NLGN4X: variants seen among roughly 807,000 people sequenced by gnomAD.
NLGN4X encodes neuroligin 4 X-linked.
A neutral mutation model predicts 40.3 loss-of-function variants in NLGN4X; 3 were observed. That is an observed-to-expected ratio of 0.07 (90% CI 0.03 to 0.19). NLGN4X has a LOEUF of 0.19. NLGN4X is among the 10% of genes least tolerant of loss of function. The probability of loss-of-function intolerance (pLI) is 1.00; values close to 1 mark genes in which losing one functional copy is unlikely to be tolerated. For missense variants in NLGN4X, 382 were observed against 708.3 expected (o/e 0.54, Z 5.23); for synonymous variants, 270 against 306.8 (o/e 0.88, Z 1.25).
intron 2 of NLGN4X, among the ~76,000 whole-genome samples, chrX:6,041,304 T>C (rs1254184653): frequency 9.0e-6 from 1 of 111,118 alleles, no homozygotes; most frequent in Non-Finnish European, 1.9e-5. Flanking sequence ...TAAATAGAGG[T>C]TGTTTGAGAT....
intron 3 of NLGN4X, among the ~76,000 whole-genome samples, chrX:5,912,041 CA>C (rs1297748415): frequency 8.9e-6 from 1 of 112,139 alleles, no homozygotes; most frequent in Non-Finnish European, 1.9e-5. Flanking sequence ...ACAAGATTTG[CA>C]ACTTCCCCAA....
chrX:6,090,798 T>C (rs1202157435), intron 2 of NLGN4X, among the ~76,000 whole-genome samples: 1 of 105,428 alleles, frequency 9.5e-6, no homozygotes, highest in Non-Finnish European at 1.9e-5. Flanking sequence ...TTTTCATAAC[T>C]TGTGGTAGTG....
chrX:6,136,337 A>G (rs933305325), intron 2 of NLGN4X, among the ~76,000 whole-genome samples: 2 of 112,767 alleles, frequency 1.8e-5, no homozygotes, highest in African/African-American at 3.2e-5. Context: ...GAGTTTCTGC[A>G]TATCAGGAAT....
intron 2 of NLGN4X, among the ~76,000 whole-genome samples, chrX:6,063,412 G>A (rs1278517280): frequency 8.9e-6 from 1 of 112,027 alleles, no homozygotes; most frequent in African/African-American, 3.2e-5. Context: ...TTGAGCCCGG[G>A]AGTTGGAGAG....
chrX:6,049,735 G>A (rs957879405), intron 2 of NLGN4X, among the ~76,000 whole-genome samples: 1 of 22,540 alleles, frequency 4.4e-5, no homozygotes, highest in Admixed American at 6.1e-4. Context: ...TAAAATGGGG[G>A]GGGGGGGCGG....
intron 3 of NLGN4X, among the ~76,000 whole-genome samples, chrX:5,934,399 C>T (rs938755714): frequency 9.0e-6 from 1 of 111,677 alleles, no homozygotes; most frequent in African/African-American, 3.3e-5. Flanking sequence ...CATATGAAAA[C>T]CTGTAACAAT....
intron 1 of NLGN4X, among the ~76,000 whole-genome samples, chrX:6,180,085 A>G (rs1014241970): frequency 9.8e-5 from 11 of 112,167 alleles, no homozygotes; most frequent in Non-Finnish European, 1.9e-4. Flanking sequence ...TGCCCTTAAT[A>G]AATTGGTTCA....
At chrX:6,012,677 T>C (rs1200253552) in intron 3 of NLGN4X, among the ~76,000 whole-genome samples, 1 of 111,103 alleles carries the variant, frequency 9.0e-6, no homozygotes, top group African/African-American at 3.3e-5. Flanking sequence ...GAATTGAGGG[T>C]ATAACCCTAA....
chrX:5,979,357 A>C (rs2035304082), intron 3 of NLGN4X, among the ~76,000 whole-genome samples: 2 of 110,814 alleles, frequency 1.8e-5, no homozygotes, highest in African/African-American at 6.6e-5. Flanking sequence ...TCTTGTGTAA[A>C]TACCTAGGAG....
At chrX:6,102,842 G>T (rs1011709203) in intron 2 of NLGN4X, among the ~76,000 whole-genome samples, 1 of 111,061 alleles carries the variant, frequency 9.0e-6, no homozygotes, top group African/African-American at 3.3e-5. Flanking sequence ...AGAGAGAGGG[G>T]TAGATAGATT....
chrX:6,154,958 T>C (rs1249688502), intron 1 of NLGN4X, among the ~76,000 whole-genome samples: 1 of 111,904 alleles, frequency 8.9e-6, no homozygotes, highest in African/African-American at 3.2e-5. Context: ...CCCCAAAGTA[T>C]ACATTCCTTA....
intron 3 of NLGN4X, among the ~76,000 whole-genome samples, chrX:5,966,831 T>G: frequency 8.9e-6 from 1 of 112,039 alleles, no homozygotes; most frequent in Non-Finnish European, 1.9e-5. Context: ...GAAATTGGCT[T>G]TAACACAAAC....
chrX:6,071,455 A>C (rs946399502), intron 2 of NLGN4X, among the ~76,000 whole-genome samples: 2 of 111,500 alleles, frequency 1.8e-5, no homozygotes, highest in African/African-American at 6.5e-5. Flanking sequence ...ATAATATCTA[A>C]ATCAGTGAAG....
At chrX:5,997,245 T>C (rs970207092) in intron 3 of NLGN4X, among the ~76,000 whole-genome samples, 3 of 106,809 alleles carry the variant, frequency 2.8e-5, no homozygotes, top group Admixed American at 1.0e-4. Flanking sequence ...GATACAAACA[T>C]ATATATGAAG....
chrX:6,195,759 G>A (rs776496160), intron 1 of NLGN4X, among the ~76,000 whole-genome samples: 1 of 111,007 alleles, frequency 9.0e-6, no homozygotes, highest in African/African-American at 3.3e-5. Flanking sequence ...TATATTTTTT[G>A]TGATACGGTA....
chrX:6,227,513 C>A (rs1294529561), intron 1 of NLGN4X, among the ~76,000 whole-genome samples: 1 of 109,919 alleles, frequency 9.1e-6, no homozygotes, highest in Non-Finnish European at 1.9e-5. Flanking sequence ...GCAAGCCCCC[C>A]CGCGCCCCCC....
At chrX:6,062,188 A>G (rs1207166002) in intron 2 of NLGN4X, among the ~76,000 whole-genome samples, 1 of 111,419 alleles carries the variant, frequency 9.0e-6, no homozygotes, top group African/African-American at 3.3e-5. Context: ...ACCTGTGACC[A>G]CCTCTACCTT....
At chrX:6,045,458 G>A (rs760892243) in intron 2 of NLGN4X, among the ~76,000 whole-genome samples, 17 of 111,205 alleles carry the variant, frequency 1.5e-4, no homozygotes, top group South Asian at 1.1e-3. Flanking sequence ...AATAAATAGC[G>A]TAAAATATTA....
In NLGN4X at chrX:6,029,680, T is replaced by TTC. The variant is rs1395403657; in HGVS notation, c.473-250_473-249dup. On this transcript the variant is annotated intron_variant, in intron 2 of 5. Transcript: ENST00000381095. The stretch of plus-strand genomic sequence containing the variant: ...TTTAGCGTACTCTGCTCATCTAAGC[T>TTC]TCTATATATATCTAAAGCACTAAAA... Among the ~76,000 whole-genome samples, 9 of 87,655 alleles carry TTC rather than the reference T, an allele frequency of 1.0e-4. No homozygotes were observed. The South Asian group carries it at 6.1e-3, about 59-fold the overall frequency. The allele number at this position is 87,655 out of a possible 115,157, so 76.1% of individuals were successfully genotyped here. A position where few individuals can be genotyped will look rare whatever the true frequency, so the allele number is the denominator to read the frequency against.
Sources: allele counts gnomAD v4.1 joint callset (sites outside exome capture counted in the v4.1 genomes callset), GRCh38; gene constraint gnomAD v4.1.1; transcripts MANE v1.5; gene names NCBI Gene and HGNC (gene_info 2026-07-23, HGNC 2026-07-21).